KDM4C: variants seen among roughly 807,000 people sequenced by gnomAD.
The protein encoded by KDM4C is lysine-specific demethylase 4C.
In KDM4C, 81 loss-of-function variants were observed where a neutral mutation model predicts 129.3. The ratio of observed to expected loss-of-function variants is 0.63; its 90% confidence interval spans 0.52 to 0.75. KDM4C has a LOEUF of 0.75. Ranked by LOEUF, KDM4C falls within the 30% of genes least tolerant of loss-of-function variation. The pLI, the probability that KDM4C is intolerant of heterozygous loss-of-function variation, is 0.00. For missense variants in KDM4C, 1,457 were observed against 1,304.0 expected, an observed-to-expected ratio of 1.12 and a Z score of -1.81; for synonymous variants, 573 against 456.1, an observed-to-expected ratio of 1.26 and a Z score of -3.26.
chr9:7,135,737 A>G (rs1261778576), intron 19 of KDM4C, among the ~76,000 whole-genome samples: 46 of 152,242 alleles, frequency 3.0e-4, no homozygotes, highest in Admixed American at 3.0e-3. Context: ...GAAAAAAGCC[A>G]TTCCCAGAAA....
chr9:7,096,672 T>C (rs561005125), intron 17 of KDM4C, among the ~76,000 whole-genome samples: 1 of 152,146 alleles, frequency 6.6e-6, no homozygotes, highest in African/African-American at 2.4e-5. Flanking sequence ...GTGCCTTTAA[T>C]AAAAAGGCAG....
At chr9:6,899,259 C>T (rs1816962892) in intron 8 of KDM4C, among the ~76,000 whole-genome samples, 1 of 151,924 alleles carries the variant, frequency 6.6e-6, no homozygotes, top group African/African-American at 2.4e-5. Flanking sequence ...TGTGCATAGC[C>T]CCCCACATTA....
intron 5 of KDM4C, among the ~76,000 whole-genome samples, chr9:6,860,798 A>G (rs1402573699): frequency 2.6e-5 from 4 of 152,156 alleles, no homozygotes; most frequent in African/African-American, 4.8e-5. Context: ...TTCATGTTAA[A>G]ATGATCTCAA....
intron 1 of KDM4C, among the ~76,000 whole-genome samples, chr9:6,724,719 TG>T (rs1405191872): frequency 6.6e-6 from 1 of 151,986 alleles, no homozygotes; most frequent in African/African-American, 2.4e-5. Context: ...TTAGTAGAGA[TG>T]GGGTTTCACC....
chr9:6,910,862 T>G (rs1454482159), intron 8 of KDM4C, among the ~76,000 whole-genome samples: 1 of 152,226 alleles, frequency 6.6e-6, no homozygotes, highest in Non-Finnish European at 1.5e-5. Context: ...CATCCAGTCA[T>G]GATATGCTAA....
At chr9:6,964,302 A>G (rs1381083563) in intron 8 of KDM4C, among the ~76,000 whole-genome samples, 2 of 145,884 alleles carry the variant, frequency 1.4e-5, no homozygotes, top group Non-Finnish European at 3.0e-5. Context: ...AAGCGTTCTC[A>G]TTGTTCAATT....
chr9:6,891,705 A>G (rs755104778), intron 7 of KDM4C, among the ~76,000 whole-genome samples: 3 of 152,220 alleles, frequency 2.0e-5, no homozygotes, highest in Non-Finnish European at 2.9e-5. Flanking sequence ...AAATACTTTA[A>G]AAAACACTAT....
At chr9:7,105,028 G>C (rs1354455306) in intron 18 of KDM4C, among the ~76,000 whole-genome samples, 2 of 152,016 alleles carry the variant, frequency 1.3e-5, no homozygotes, top group African/African-American at 4.8e-5. Context: ...CATTGTTTCA[G>C]GTTCCAAGTT....
chr9:7,135,839 A>G (rs1012256651), intron 19 of KDM4C, among the ~76,000 whole-genome samples: 3 of 152,230 alleles, frequency 2.0e-5, no homozygotes, highest in Admixed American at 6.5e-5. Flanking sequence ...CAAGTGGCCA[A>G]GACAGTGGCA....
At chr9:6,760,309 A>G (rs1414441088) in intron 1 of KDM4C, among the ~76,000 whole-genome samples, 1 of 152,038 alleles carries the variant, frequency 6.6e-6, no homozygotes, top group Non-Finnish European at 1.5e-5. Flanking sequence ...AATGGCTAAT[A>G]TTCTATTATG....
chr9:7,048,802 C>T (rs1187739692), intron 16 of KDM4C, among the ~76,000 whole-genome samples: 2 of 152,082 alleles, frequency 1.3e-5, no homozygotes, highest in African/African-American at 4.8e-5. Context: ...AAGAAACCCA[C>T]ATTTCAGTAT....
intron 8 of KDM4C, chr9:6,948,120 A>G (rs1827308079): frequency 6.6e-6 from 1 of 152,172 alleles, no homozygotes; most frequent in African/African-American, 2.4e-5. Flanking sequence ...GTTACATCTG[A>G]AGAGATAATC....
chr9:6,997,238 G>T lies in KDM4C; in HGVS notation c.1786+6714G>T, dbSNP rs150391365. Among the ~76,000 whole-genome samples the T allele has an allele frequency of 2.8e-3, 428 of 152,296 alleles. 2 individuals carry two copies. The highest frequency in any genetic ancestry group is 5.2e-3 in the Non-Finnish European group (355 of 68,022). Reference sequence around the variant, plus strand: ...GGTAAGGGGGAGCCAAGTTGTGGCCGTTGAGGAGAAATTTTCCAGGACCAG... The same window carrying T: ...GGTAAGGGGGAGCCAAGTTGTGGCCTTTGAGGAGAAATTTTCCAGGACCAG... On this transcript the variant is annotated intron_variant, in intron 12 of 21. Coordinates refer to ENST00000381309, the MANE Select transcript of KDM4C (RefSeq NM_015061.6).
chr9:7,096,606 G>C (rs992363945), intron 17 of KDM4C, among the ~76,000 whole-genome samples: 1 of 152,322 alleles, frequency 6.6e-6, no homozygotes, highest in East Asian at 1.9e-4. Flanking sequence ...GAGACTAGAG[G>C]AGTATGGCAG....
At chr9:6,800,038 C>G (rs1367159289) in intron 2 of KDM4C, among the ~76,000 whole-genome samples, 1 of 151,142 alleles carries the variant, frequency 6.6e-6, no homozygotes, top group African/African-American at 2.4e-5. Flanking sequence ...GCCCTGGCAA[C>G]ATAGCGAGAC....
chr9:7,171,238 C>A (rs1844929898), intron 21 of KDM4C, among the ~76,000 whole-genome samples: 1 of 151,272 alleles, frequency 6.6e-6, no homozygotes, highest in African/African-American at 2.4e-5. Context: ...CAGAGGGGAC[C>A]CACACACCTG....
intron 17 of KDM4C, among the ~76,000 whole-genome samples, chr9:7,074,879 G>A (rs1833710046): frequency 6.6e-6 from 1 of 152,084 alleles, no homozygotes; most frequent in Non-Finnish European, 1.5e-5. Context: ...TACATGAAAA[G>A]GTATGTATTC....
chr9:7,161,497 C>T (rs1009251788), intron 19 of KDM4C, among the ~76,000 whole-genome samples: 13 of 152,184 alleles, frequency 8.5e-5, no homozygotes, highest in East Asian at 1.9e-4. Flanking sequence ...TTCTCTACCC[C>T]GAATGAAATC....
intron 4 of KDM4C, among the ~76,000 whole-genome samples, chr9:6,822,071 C>G (rs901476856): frequency 2.0e-5 from 3 of 152,130 alleles, no homozygotes; most frequent in African/African-American, 7.2e-5. Context: ...AACCAAAAAA[C>G]CAAGACTCTC....
Sources: allele counts gnomAD v4.1 joint callset (sites outside exome capture counted in the v4.1 genomes callset), GRCh38; gene constraint gnomAD v4.1.1; transcripts MANE v1.5; gene names NCBI Gene and HGNC (gene_info 2026-07-23, HGNC 2026-07-21).